EVI5: variants seen among roughly 807,000 people sequenced by gnomAD.
EVI5 encodes ecotropic viral integration site 5 protein homolog.
A neutral mutation model predicts 112.0 loss-of-function variants in EVI5; 73 were observed. That is an observed-to-expected ratio of 0.65 (90% confidence interval 0.54 to 0.79). EVI5 has a LOEUF of 0.79. EVI5 is among the 30% of genes least tolerant of loss of function. The pLI is 0.00. For missense variants in EVI5, 900 were observed against 968.8 expected (o/e 0.93, Z 0.94); for synonymous variants, 305 against 319.9 (o/e 0.95, Z 0.50).
intron 2 of EVI5, among the ~76,000 whole-genome samples, chr1:92,720,098 G>A (rs185158999): frequency 2.0e-4 from 31 of 152,130 alleles, no homozygotes; most frequent in Admixed American, 1.6e-3. Flanking sequence ...TGGCCATACT[G>A]CCCAAAGTAA....
intron 18 of EVI5, among the ~76,000 whole-genome samples, chr1:92,568,336 G>A (rs926926163): frequency 6.9e-6 from 1 of 143,898 alleles, no homozygotes; most frequent in Non-Finnish European, 1.5e-5. Context: ...TGTTCATGTC[G>A]CTACACTCCA....
chr1:92,558,286 AG>A (rs1290283341), intron 19 of EVI5, among the ~76,000 whole-genome samples: 1 of 151,576 alleles, frequency 6.6e-6, no homozygotes, highest in Non-Finnish European at 1.5e-5. Flanking sequence ...TTCACATGCC[AG>A]TGATGGCTAC....
intron 2 of EVI5, among the ~76,000 whole-genome samples, chr1:92,715,751 C>T (rs2102648944): frequency 6.6e-6 from 1 of 152,242 alleles, no homozygotes; most frequent in South Asian, 2.1e-4. Flanking sequence ...CGGGACACTC[C>T]TGCTCAAATA....
chr1:92,736,189 T>C (rs957400064), intron 2 of EVI5, among the ~76,000 whole-genome samples: 1 of 152,110 alleles, frequency 6.6e-6, no homozygotes, highest in Admixed American at 6.5e-5. Context: ...ATTTGCTATA[T>C]TAAGAAAACA....
intron 2 of EVI5, among the ~76,000 whole-genome samples, chr1:92,730,005 A>G (rs1021827796): frequency 6.6e-6 from 1 of 151,838 alleles, no homozygotes; most frequent in Non-Finnish European, 1.5e-5. Context: ...TGATCATTTC[A>G]GTAGAGGCAA....
intron 13 of EVI5, among the ~76,000 whole-genome samples, chr1:92,644,523 A>G (rs747122470): frequency 2.6e-5 from 4 of 151,966 alleles, no homozygotes; most frequent in Non-Finnish European, 5.9e-5. Context: ...ACTTTTTATT[A>G]TTTGTCCATT....
At chr1:92,637,760 A>C (rs1659183528) in intron 13 of EVI5, among the ~76,000 whole-genome samples, 1 of 152,230 alleles carries the variant, frequency 6.6e-6, no homozygotes, top group African/African-American at 2.4e-5. Flanking sequence ...TGTTAGGAAC[A>C]AAACAGATGT....
At chr1:92,698,389 T>C (rs1670638122) in intron 5 of EVI5, among the ~76,000 whole-genome samples, 1 of 152,038 alleles carries the variant, frequency 6.6e-6, no homozygotes. Flanking sequence ...TGTCAGATGG[T>C]GATGGATGCT....
chr1:92,621,846 G>C (rs1395024387), intron 16 of EVI5, among the ~76,000 whole-genome samples: 2 of 152,228 alleles, frequency 1.3e-5, no homozygotes, highest in East Asian at 1.9e-4. Flanking sequence ...ATCAAGGCAG[G>C]GCACGGTGGC....
intron 18 of EVI5, among the ~76,000 whole-genome samples, chr1:92,591,611 G>C (rs1255499796): frequency 6.6e-6 from 1 of 151,946 alleles, no homozygotes; most frequent in East Asian, 1.9e-4. Flanking sequence ...GATTTATAAA[G>C]CAAGTCCTCA....
At chr1:92,708,225 G>C (rs1672303431) in intron 2 of EVI5, among the ~76,000 whole-genome samples, 1 of 151,326 alleles carries the variant, frequency 6.6e-6, no homozygotes, top group Non-Finnish European at 1.5e-5. Flanking sequence ...CTACAGAATG[G>C]GAGAAAATAC....
intron 1 of EVI5, among the ~76,000 whole-genome samples, chr1:92,761,681 G>A (rs1361515055): frequency 1.3e-5 from 2 of 152,140 alleles, no homozygotes; most frequent in East Asian, 3.8e-4. Context: ...ATATTGCCCA[G>A]GTTGGTCTCA....
chr1:92,548,534 T>G (rs546180816), intron 19 of EVI5, among the ~76,000 whole-genome samples: 44 of 152,260 alleles, frequency 2.9e-4, no homozygotes, highest in Middle Eastern at 3.4e-3. Context: ...GGTATTCAAT[T>G]AGGAAAAGAG....
chr1:92,559,120 T>A (rs182743509), intron 19 of EVI5, among the ~76,000 whole-genome samples: 56 of 152,320 alleles, frequency 3.7e-4, no homozygotes, highest in African/African-American at 1.3e-3. Flanking sequence ...CTAGATAACT[T>A]ATAATACCTA....
chr1:92,619,999 T>G (rs906092059), intron 16 of EVI5, among the ~76,000 whole-genome samples: 2 of 151,958 alleles, frequency 1.3e-5, no homozygotes, highest in African/African-American at 4.8e-5. Context: ...ATCTAACACA[T>G]GTATAATTGA....
chr1:92,772,210 A>C (rs1457805619), intron 1 of EVI5, among the ~76,000 whole-genome samples: 2 of 152,066 alleles, frequency 1.3e-5, no homozygotes, highest in East Asian at 3.8e-4. Flanking sequence ...ACTCAACTAG[A>C]TCTTTTATAG....
intron 14 of EVI5, among the ~76,000 whole-genome samples, chr1:92,627,831 C>T (rs952395483): frequency 6.6e-6 from 1 of 151,930 alleles, no homozygotes; most frequent in Non-Finnish European, 1.5e-5. Context: ...GCTCTGTCGC[C>T]CAGGCTGGAG....
In EVI5 at chr1:92,760,343, C is replaced by CT. The variant is rs373403528; in HGVS notation, c.-81-23717dup. 2.2e-3 allele frequency among the ~76,000 whole-genome samples: 331 copies of CT among 152,280 alleles called. 2 individuals are homozygous for CT. Among genetic ancestry groups the CT allele is most frequent in the Admixed American group, 4.6e-3 (71 of 15,300 alleles). ...GAGCTGACCTGGAGCCTAAAAGCAT[C>CT]TTTTTTTCTTTTTTCCTGTTCTGAA... is the stretch of plus-strand genomic sequence containing the variant. On this transcript the variant is annotated intron_variant, in intron 1 of 19. Transcript: ENST00000684568.
At chr1:92,616,475 T>A (rs533391464) in intron 16 of EVI5, among the ~76,000 whole-genome samples, 1 of 152,256 alleles carries the variant, frequency 6.6e-6, no homozygotes, top group South Asian at 2.1e-4. Context: ...ATCAGAATAG[T>A]CTGACTTGTG....
Sources: allele counts gnomAD v4.1 joint callset (sites outside exome capture counted in the v4.1 genomes callset), GRCh38; gene constraint gnomAD v4.1.1; transcripts MANE v1.5; gene names NCBI Gene and HGNC (gene_info 2026-07-23, HGNC 2026-07-21).